STAM: variants seen among roughly 807,000 people sequenced by gnomAD.
STAM encodes the protein signal transducing adapter molecule 1.
A neutral mutation model predicts 63.4 loss-of-function variants in STAM; 16 were observed. The observed-to-expected ratio is 0.25, with a 90% CI of 0.17 to 0.38. The LOEUF (loss-of-function observed/expected upper bound fraction) is 0.38, where lower values mean the gene tolerates loss of function less well. Among genes scored for constraint, STAM ranks in the 10% least tolerant of loss-of-function variants. The pLI is 1.00. For missense variants in STAM, 636 were observed against 657.1 expected (o/e 0.97, Z 0.35); for synonymous variants, 238 against 223.9 (o/e 1.06, Z -0.56).
At chr10:17,677,565 G>A (rs934697383) in intron 2 of STAM, among the ~76,000 whole-genome samples, 9 of 152,282 alleles carry the variant, frequency 5.9e-5, no homozygotes, top group Middle Eastern at 3.4e-3. Context: ...AAGTCCAACT[G>A]TGAAAAAGGC....
At chr10:17,673,018 C>T in intron 2 of STAM, 2 of 985,216 alleles carry the variant, frequency 2.0e-6, no homozygotes, top group Non-Finnish European at 2.4e-6. Context: ...TTTTAAAATA[C>T]CAAAATGGGG....
At chr10:17,704,691 A>G (rs1554828991) in intron 10 of STAM, among the ~76,000 whole-genome samples, 173 bp downstream of exon 10, 1 of 152,210 alleles carries the variant, frequency 6.6e-6, no homozygotes, top group African/African-American at 2.4e-5. Context: ...TTGAATTCTT[A>G]TAATTTTCTA....
intron 2 of STAM, among the ~76,000 whole-genome samples, chr10:17,674,801 T>C (rs1834778661): frequency 6.6e-6 from 1 of 152,194 alleles, no homozygotes; most frequent in Admixed American, 6.5e-5. Flanking sequence ...ATAATTTGCC[T>C]GAGGCCTGTT....
chr10:17,682,105 A>G (rs1261851893), intron 2 of STAM, among the ~76,000 whole-genome samples: 1 of 152,202 alleles, frequency 6.6e-6, no homozygotes, highest in Non-Finnish European at 1.5e-5. Context: ...ATATATACCT[A>G]TATAAGTATC....
chr10:17,690,380 A>C (rs1835480147), intron 5 of STAM, among the ~76,000 whole-genome samples: 1 of 152,168 alleles, frequency 6.6e-6, no homozygotes, highest in South Asian at 2.1e-4. Context: ...GATAGGACTT[A>C]ATTTTCATCC....
chr10:17,696,859 ACCAGAAATGAGTAAGTATTTT>A lies in STAM; in HGVS notation c.818_823+15del. On this transcript the variant is annotated splice_donor_variant and splice_donor_5th_base_variant and coding_sequence_variant and intron_variant, in exon 8 of 14. Coordinates refer to ENST00000377524, the MANE Select transcript of STAM (RefSeq NM_003473.4). LOFTEE classifies it high-confidence loss of function. ...TTGTGACTGCAGATCTCACTGCTGA[ACCAGAAATGAGTAAGTATTTT>A]CCAGCCTGCCAATAAATGATGTTTT... 1 of 1,611,252 alleles carries A rather than the reference ACCAGAAATGAGTAAGTATTTT, an allele frequency of 6.2e-7. No individual in the cohort carries two copies. The highest frequency in any genetic ancestry group is 2.2e-5 in the East Asian group (1 of 44,872).
rs998017814 is a variant in STAM at position 17,716,398 on chromosome 10, A to G, written c.*1618A>G. The stretch of plus-strand genomic sequence containing the variant: ...AAATTAGTCACCTGTAAGATTACTT[A>G]AGGGTAACTTAAGTGTTTCGCTCAA... On this transcript the variant is annotated 3_prime_UTR_variant, in exon 14 of 14. Transcript: ENST00000377524. Among the ~76,000 whole-genome samples the G allele has an allele frequency of 6.6e-6, 1 of 151,930 alleles. No homozygotes were observed.
intron 2 of STAM, among the ~76,000 whole-genome samples, chr10:17,683,426 T>C (rs1229861671): frequency 1.3e-5 from 2 of 152,170 alleles, no homozygotes; most frequent in African/African-American, 4.8e-5. Context: ...CCTCCCAAAA[T>C]GCTGGAATTA....
At chr10:17,706,793 A>G (rs545395120) in intron 12 of STAM, among the ~76,000 whole-genome samples, 2 of 152,314 alleles carry the variant, frequency 1.3e-5, no homozygotes, top group South Asian at 4.1e-4. Context: ...ATATCTCAAT[A>G]AAGTAGTTTC....
chr10:17,715,049 G>T lies in STAM; in HGVS notation c.*269G>T. 1 of 432,544 alleles carries T rather than the reference G, an allele frequency of 2.3e-6. No individual in the cohort carries two copies. The highest frequency in any genetic ancestry group is 2.5e-5 in the South Asian group (1 of 40,622). 26.8% of individuals were successfully genotyped at this position (432,544 alleles called of 1,614,324 possible). A position where few individuals can be genotyped will look rare whatever the true frequency, so the allele number is the denominator to read the frequency against. ...GAATTGATACAAGGCTATTTGTCTC[G>T]TAAACCTGGTCTGCAGAAAGTCAAA... On this transcript the variant is annotated 3_prime_UTR_variant, in exon 14 of 14. Transcript: ENST00000377524.
intron 7 of STAM, among the ~76,000 whole-genome samples, chr10:17,695,499 A>G (rs1835719729): frequency 1.3e-5 from 2 of 152,220 alleles, no homozygotes; most frequent in African/African-American, 4.8e-5. Flanking sequence ...GTTCCACCTA[A>G]TAATATAGAT....
chr10:17,706,820 G>A (rs1554829317), intron 12 of STAM, among the ~76,000 whole-genome samples: 1 of 151,976 alleles, frequency 6.6e-6, no homozygotes, highest in Non-Finnish European at 1.5e-5. Flanking sequence ...AACACAAAAT[G>A]CTTTTAGAGC....
In STAM at chr10:17,715,956, T is replaced by C. The variant is rs1025027903; in HGVS notation, c.*1176T>C. The C allele has an allele frequency of 1.3e-5, 2 of 152,630 alleles. No homozygotes were observed. The highest frequency in any genetic ancestry group is 4.8e-5 in the African/African-American group (2 of 41,456). 9.5% of individuals were successfully genotyped at this position (152,630 alleles called of 1,614,324 possible). A position where few individuals can be genotyped will look rare whatever the true frequency, so the allele number is the denominator to read the frequency against. On this transcript the variant is annotated 3_prime_UTR_variant, in exon 14 of 14. Coordinates refer to ENST00000377524, the MANE Select transcript of STAM (RefSeq NM_003473.4). ...TAACGTTTATATAGGTATTGTTTTC[T>C]TTCACACTGGATTTTTGGGTTGCTC...
Position 17,682,882 on chromosome 10 carries a change from C to T in STAM, c.126-1793C>T, listed in dbSNP as rs951091285. On this transcript the variant is annotated intron_variant, in intron 2 of 13. Transcript: ENST00000377524. ...TGTCTGTGTTTCCTTTCGGCTGTAT[C>T]GATGTTTCCTTTATATATTTTGAAG... Among the ~76,000 whole-genome samples, 8 of 152,126 alleles carry T rather than the reference C, an allele frequency of 5.3e-5. No individual in the cohort carries two copies. In the East Asian group the frequency reaches 9.7e-4, roughly 18 times the overall value.
intron 8 of STAM, among the ~76,000 whole-genome samples, chr10:17,698,553 C>T (rs1339117473): frequency 1.3e-5 from 2 of 151,830 alleles, no homozygotes; most frequent in African/African-American, 4.8e-5. Flanking sequence ...TTGTAGTTCT[C>T]AAGCGTGGAG....
chr10:17,668,906 A>G (rs72780800), intron 2 of STAM, among the ~76,000 whole-genome samples: 1 of 152,158 alleles, frequency 6.6e-6, no homozygotes, highest in African/African-American at 2.4e-5. Context: ...ATTTTTAATA[A>G]AGCTGCTATA....
At chr10:17,670,298 G>C (rs4748397) in intron 2 of STAM, among the ~76,000 whole-genome samples, 2 of 152,086 alleles carry the variant, frequency 1.3e-5, no homozygotes, top group African/African-American at 4.8e-5. Flanking sequence ...ATAGAATTCT[G>C]ATGACTGTTG....
At chr10:17,670,453 A>C (rs34754639) in intron 2 of STAM, among the ~76,000 whole-genome samples, 7,176 of 152,202 alleles carry the variant, frequency 0.047, 204 homozygotes, top group East Asian at 0.16. Context: ...CTGTGTGCTT[A>C]GGTGCTTGTA....
intron 2 of STAM, among the ~76,000 whole-genome samples, chr10:17,682,856 T>A (rs1554825547): frequency 6.6e-6 from 1 of 152,186 alleles, no homozygotes; most frequent in East Asian, 1.9e-4. Flanking sequence ...TCCAGTAGAT[T>A]TGTCTGTGTT....
Sources: allele counts gnomAD v4.1 joint callset (sites outside exome capture counted in the v4.1 genomes callset), GRCh38; gene constraint gnomAD v4.1.1; transcripts MANE v1.5; gene names NCBI Gene and HGNC (gene_info 2026-07-23, HGNC 2026-07-21).